The following XPNPEP3 variants were observed in gnomAD, a reference collection of about 807,000 sequenced individuals.
XPNPEP3 encodes the protein X-prolyl aminopeptidase 3.
In XPNPEP3, 41 loss-of-function variants were observed where a neutral mutation model predicts 60.0. The ratio of observed to expected loss-of-function variants is 0.68; its 90% CI spans 0.53 to 0.89. XPNPEP3 has a LOEUF of 0.89. Among genes scored for constraint, XPNPEP3 ranks in the 40% least tolerant of loss-of-function variants. XPNPEP3 has a pLI of 0.00. For missense variants in XPNPEP3, 598 were observed against 638.9 expected (o/e 0.94, Z 0.69); for synonymous variants, 212 against 223.2 (o/e 0.95, Z 0.45).
At chr22:40,924,627 A>G (rs2058228484) in intron 9 of XPNPEP3, 145 bp downstream of exon 9, 11 of 1,217,322 alleles carry the variant, frequency 9.0e-6, no homozygotes, top group Non-Finnish European at 1.3e-5. Flanking sequence ...AGGTTCAGCA[A>G]TTCTCCTGCC....
intron 1 of XPNPEP3, chr22:40,861,158 G>A (rs1389671891): frequency 1.2e-6 from 2 of 1,613,910 alleles, no homozygotes; most frequent in Admixed American, 1.7e-5. Flanking sequence ...AGAAAATAGG[G>A]GGATCTCTGT....
In XPNPEP3 at chr22:40,857,175, G is replaced by C; in HGVS notation, c.-7G>C. On this transcript the variant is annotated 5_prime_UTR_variant, in exon 1 of 10. Coordinates refer to ENST00000357137, the MANE Select transcript of XPNPEP3 (RefSeq NM_022098.4). ...CTTTCTCTTCCCGACGCGTGAGTTAGGCCGTAATGCCTTGGCTGCTCTCAG... is the reference window on the plus strand; with the variant it reads ...CTTTCTCTTCCCGACGCGTGAGTTACGCCGTAATGCCTTGGCTGCTCTCAG... 6.2e-7 allele frequency: 1 copy of C among 1,614,174 alleles called. No individual in the cohort carries two copies. The highest frequency in any genetic ancestry group is 8.5e-7 in the Non-Finnish European group (1 of 1,180,016).
At chr22:40,861,296 A>C in intron 1 of XPNPEP3, 5 of 1,614,172 alleles carry the variant, frequency 3.1e-6, no homozygotes, top group Non-Finnish European at 4.2e-6. Flanking sequence ...ATTCTTTTGC[A>C]AAGCCCTCTT....
In XPNPEP3 at chr22:40,861,627, G is replaced by A. The variant is rs191614236; in HGVS notation, c.64+4382G>A. ...GTTTCTGTTTCCATAGGAGCTTCCT[G>A]GACGATTTAACAGGTCCTCAAGCGA... is the stretch of plus-strand genomic sequence containing the variant. On this transcript the variant is annotated intron_variant, in intron 1 of 9. Transcript: ENST00000357137. 476 of 1,613,582 alleles carry A rather than the reference G, an allele frequency of 2.9e-4. No homozygotes were observed. The highest frequency in any genetic ancestry group is 4.9e-4 in the Middle Eastern group (3 of 6,062).
chr22:40,914,425 A>T, intron 7 of XPNPEP3, 101 bp downstream of exon 7: 5 of 1,011,938 alleles, frequency 4.9e-6, no homozygotes, highest in Non-Finnish European at 7.7e-6. Context: ...CTATAGGTCC[A>T]TTCCTGGTCA....
chr22:40,861,475 G>A (rs1158461274), intron 1 of XPNPEP3: 1 of 1,614,140 alleles, frequency 6.2e-7, no homozygotes, highest in Non-Finnish European at 8.5e-7. Context: ...TCAAAAGCCA[G>A]GGAAGAGAAA....
chr22:40,873,008 AGGGCTACTCAGGGAGTTG>A (rs982202818), intron 2 of XPNPEP3, among the ~76,000 whole-genome samples: 2 of 151,930 alleles, frequency 1.3e-5, no homozygotes, highest in East Asian at 1.9e-4. Context: ...AGGTTTAAAA[AGGGCTACTCAGGGAGTTG>A]GGCTTGTCAG....
chr22:40,887,101 T>G (rs946699920), intron 4 of XPNPEP3, among the ~76,000 whole-genome samples: 1 of 152,182 alleles, frequency 6.6e-6, no homozygotes, highest in Non-Finnish European at 1.5e-5. Flanking sequence ...TTCCTTATAG[T>G]TACACTAATA....
At chr22:40,919,952 G>A (rs1425994471) in intron 7 of XPNPEP3, among the ~76,000 whole-genome samples, 9 of 152,170 alleles carry the variant, frequency 5.9e-5, no homozygotes, top group Non-Finnish European at 1.3e-4. Flanking sequence ...TTCAGTGAAG[G>A]AAGCCAGACA....
intron 4 of XPNPEP3, among the ~76,000 whole-genome samples, chr22:40,894,646 A>C (rs930194763): frequency 3.3e-5 from 5 of 152,176 alleles, no homozygotes; most frequent in Non-Finnish European, 7.3e-5. Flanking sequence ...GGTATATGTC[A>C]TTGTTCAGTG....
intron 2 of XPNPEP3, among the ~76,000 whole-genome samples, chr22:40,880,245 G>A (rs868103716): frequency 1.3e-5 from 2 of 151,806 alleles, no homozygotes. Context: ...AATTCCTACA[G>A]TATAGAAATG....
At chr22:40,881,232 A>G (rs985229740) in intron 2 of XPNPEP3, among the ~76,000 whole-genome samples, 4 of 151,800 alleles carry the variant, frequency 2.6e-5, no homozygotes, top group Admixed American at 2.0e-4. Flanking sequence ...TTTTTTTAGT[A>G]GAGATGAGGT....
At chr22:40,884,158 A>G (rs1448188949) in intron 3 of XPNPEP3, among the ~76,000 whole-genome samples, 1 of 152,110 alleles carries the variant, frequency 6.6e-6, no homozygotes, top group Non-Finnish European at 1.5e-5. Flanking sequence ...AATTCATTGA[A>G]CTTTCTTATG....
chr22:40,916,297 A>G (rs1198391642), intron 7 of XPNPEP3, among the ~76,000 whole-genome samples: 1 of 152,100 alleles, frequency 6.6e-6, no homozygotes, highest in Admixed American at 6.6e-5. Context: ...ATCTCAAACA[A>G]AGGAAAAAAA....
At chr22:40,881,641 C>T in intron 2 of XPNPEP3, 129 bp from the exon 3 acceptor site, 4 of 1,110,434 alleles carry the variant, frequency 3.6e-6, no homozygotes, top group Non-Finnish European at 5.3e-6. Context: ...CCTTAATTCT[C>T]CATGTGCTGT....
chr22:40,874,207 C>T (rs1280623894), intron 2 of XPNPEP3, among the ~76,000 whole-genome samples: 1 of 152,028 alleles, frequency 6.6e-6, no homozygotes, highest in Non-Finnish European at 1.5e-5. Context: ...CGTAGTGAGC[C>T]ATGATTGCGC....
At chr22:40,857,372 C>A in intron 1 of XPNPEP3, 127 bp downstream of exon 1, 1 of 1,057,112 alleles carries the variant, frequency 9.5e-7, no homozygotes, top group Non-Finnish European at 1.4e-6. Flanking sequence ...CCTCTGTGCT[C>A]CGCGGATTTC....
chr22:40,919,828 A>AT (rs2058209855), intron 7 of XPNPEP3, among the ~76,000 whole-genome samples: 1 of 152,252 alleles, frequency 6.6e-6, no homozygotes, highest in South Asian at 2.1e-4. Flanking sequence ...AATACCACTC[A>AT]GTAATAAAAA....
In XPNPEP3 at chr22:40,877,525, G is replaced by A. The variant is rs28649832; in HGVS notation, c.182-4245G>A. 1.1e-3 allele frequency among the ~76,000 whole-genome samples: 166 copies of A among 152,184 alleles called. 1 individual carries two copies. In the East Asian group the frequency reaches 0.028, roughly 25 times the overall value. ...GAAGAACATTATTGCTTTTCTCTTCGAGAGGCATGATCTTAAGTGTCCTGG... is the reference window on the plus strand; with the variant it reads ...GAAGAACATTATTGCTTTTCTCTTCAAGAGGCATGATCTTAAGTGTCCTGG... On this transcript the variant is annotated intron_variant, in intron 2 of 9. Coordinates refer to ENST00000357137, the MANE Select transcript of XPNPEP3 (RefSeq NM_022098.4).
Sources: gnomAD v4.1 joint callset for allele counts (sites outside exome capture counted in the v4.1 genomes callset) on GRCh38, gnomAD v4.1.1 for gene constraint, MANE v1.5 for transcripts, NCBI Gene and HGNC (gene_info 2026-07-23, HGNC 2026-07-21) for gene names.